TFPI: variants seen among roughly 807,000 people sequenced by gnomAD.
TFPI encodes anti-convertin.
A neutral mutation model predicts 34.6 loss-of-function variants in TFPI; 15 were observed. The observed-to-expected ratio is 0.43, with a 90% CI of 0.29 to 0.67. The LOEUF (loss-of-function observed/expected upper bound fraction) is 0.67. TFPI is among the 30% of genes least tolerant of loss of function. TFPI has a pLI of 0.15. For synonymous variants in TFPI, 105 were observed against 120.1 expected (o/e 0.87, Z 0.82); for missense variants, 301 against 364.0 (o/e 0.83, Z 1.41).
chr2:187,538,762 A>G (rs1314617329), intron 1 of TFPI, among the ~76,000 whole-genome samples: 1 of 152,130 alleles, frequency 6.6e-6, no homozygotes, highest in Non-Finnish European at 1.5e-5. Context: ...TTCCAAACTG[A>G]CTTGCATAAC....
chr2:187,546,295 T>C (rs1172415780), intron 1 of TFPI, among the ~76,000 whole-genome samples: 1 of 151,822 alleles, frequency 6.6e-6, no homozygotes, highest in African/African-American at 2.4e-5. Context: ...TTTTTTTTTT[T>C]TTTTCAGAAA....
chr2:187,479,540 C>T (rs1574383263), intron 6 of TFPI, among the ~76,000 whole-genome samples: 1 of 106,206 alleles, frequency 9.4e-6, no homozygotes. Flanking sequence ...GGGGGGATAT[C>T]ACGTTCATAT....
intron 6 of TFPI, among the ~76,000 whole-genome samples, chr2:187,477,454 T>A (rs1282979191): frequency 6.6e-6 from 1 of 152,092 alleles, no homozygotes. Flanking sequence ...GTGGATGAAG[T>A]GGGTTTTTTT....
chr2:187,471,487 T>C (rs1314112899), intron 6 of TFPI, among the ~76,000 whole-genome samples: 1 of 152,156 alleles, frequency 6.6e-6, no homozygotes, highest in South Asian at 2.1e-4. Context: ...GTTGAGATTA[T>C]AATTATTGAC....
intron 1 of TFPI, among the ~76,000 whole-genome samples, chr2:187,548,361 T>G (rs1310463796): frequency 6.6e-6 from 1 of 152,166 alleles, no homozygotes; most frequent in African/African-American, 2.4e-5. Flanking sequence ...TGATTGGCAC[T>G]TTTTGATTCT....
In TFPI at chr2:187,504,290, TA is replaced by T. The variant is rs537810313; in HGVS notation, c.-2-521del. 2.0e-3 allele frequency among the ~76,000 whole-genome samples: 301 copies of T among 152,236 alleles called. 1 individual carries two copies. The highest frequency in any genetic ancestry group is 6.8e-3 in the Middle Eastern group (2 of 294). On this transcript the variant is annotated intron_variant, in intron 1 of 7. Coordinates refer to ENST00000233156, the MANE Select transcript of TFPI (RefSeq NM_006287.6). ...TCAGAATTTTCATCTTTGTTTCCTTTAAAAAATACATTATTTACATCAATTT... is the reference window on the plus strand; with the variant it reads ...TCAGAATTTTCATCTTTGTTTCCTTTAAAAATACATTATTTACATCAATTT...
At chr2:187,513,876 C>T (rs1395598696) in intron 1 of TFPI, 3 of 152,118 alleles carry the variant, frequency 2.0e-5, no homozygotes, top group African/African-American at 7.2e-5. Context: ...TAATGCTTGC[C>T]TTGTTATACC....
intron 2 of TFPI, among the ~76,000 whole-genome samples, chr2:187,500,635 A>T (rs970426848): frequency 4.6e-5 from 7 of 152,132 alleles, no homozygotes; most frequent in Non-Finnish European, 7.3e-5. Context: ...AACTTTTATG[A>T]ATTATATTTT....
At chr2:187,525,671 G>A (rs572922544) in intron 1 of TFPI, among the ~76,000 whole-genome samples, 10 of 152,190 alleles carry the variant, frequency 6.6e-5, no homozygotes, top group African/African-American at 2.2e-4. Context: ...TGTCATTGTT[G>A]TTGAGTCCTA....
At chr2:187,529,202 A>G (rs904684010) in intron 1 of TFPI, among the ~76,000 whole-genome samples, 14 of 152,202 alleles carry the variant, frequency 9.2e-5, no homozygotes, top group African/African-American at 1.9e-4. Flanking sequence ...TTTATTTGCT[A>G]TCACTTCCAA....
At chr2:187,497,126 GTAA>G (rs1358386234) in intron 2 of TFPI, 48 bp from the exon 3 acceptor site, 26 of 1,483,860 alleles carry the variant, frequency 1.8e-5, no homozygotes, top group Non-Finnish European at 2.3e-5. Context: ...CATCAACACT[GTAA>G]TAATGTTCTT....
intron 1 of TFPI, among the ~76,000 whole-genome samples, chr2:187,548,403 A>G (rs1432460166): frequency 6.6e-6 from 1 of 152,114 alleles, no homozygotes; most frequent in Non-Finnish European, 1.5e-5. Context: ...TGTATATTAA[A>G]GTAGGTCTCA....
chr2:187,540,890 C>CAAAAAAAAAAAAAAAAAA (rs56921212), intron 1 of TFPI, among the ~76,000 whole-genome samples: 7 of 84,772 alleles, frequency 8.3e-5, no homozygotes, highest in South Asian at 4.1e-4. Flanking sequence ...GACTCCATCT[C>CAAAAAAAAAAAAAAAAAA]AAAAAAAAAA....
At chr2:187,490,335 T>C (rs1444129909) in intron 3 of TFPI, among the ~76,000 whole-genome samples, 1 of 151,668 alleles carries the variant, frequency 6.6e-6, no homozygotes, top group Non-Finnish European at 1.5e-5. Flanking sequence ...AAAAGGTGTC[T>C]TGAAGTATGT....
chr2:187,511,388 T>C (rs1293944004), intron 1 of TFPI, among the ~76,000 whole-genome samples: 1 of 152,188 alleles, frequency 6.6e-6, no homozygotes, highest in Non-Finnish European at 1.5e-5. Context: ...TGATTTGGTT[T>C]TGACTCTGGT....
intron 6 of TFPI, among the ~76,000 whole-genome samples, chr2:187,483,256 T>C (rs936109523): frequency 1.3e-5 from 2 of 151,960 alleles, no homozygotes; most frequent in South Asian, 2.1e-4. Context: ...ACTGTTTCTT[T>C]TTTTTTTATT....
intron 4 of TFPI, 77 bp downstream of exon 4, chr2:187,488,260 C>G (rs1352766372): frequency 1.7e-5 from 21 of 1,253,096 alleles, no homozygotes; most frequent in Middle Eastern, 1.9e-4. Flanking sequence ...AAAAAACAAA[C>G]AAGCAAACAA....
At chr2:187,474,125 C>T (rs1692219958) in intron 6 of TFPI, among the ~76,000 whole-genome samples, 1 of 152,074 alleles carries the variant, frequency 6.6e-6, no homozygotes, top group Admixed American at 6.6e-5. Context: ...ATTGAGTATA[C>T]TTTATTCTAA....
intron 1 of TFPI, among the ~76,000 whole-genome samples, chr2:187,532,443 G>T (rs1467716754): frequency 2.0e-5 from 3 of 152,188 alleles, no homozygotes; most frequent in African/African-American, 7.2e-5. Flanking sequence ...GCCGAAGCAG[G>T]GTGCTGCGTT....
Sources: allele counts gnomAD v4.1 joint callset (sites outside exome capture counted in the v4.1 genomes callset), GRCh38; gene constraint gnomAD v4.1.1; transcripts MANE v1.5; gene names NCBI Gene and HGNC (gene_info 2026-07-23, HGNC 2026-07-21).